Variants in FGGY observed in about 807,000 individuals in gnomAD.
FGGY encodes FGGY carbohydrate kinase domain-containing protein.
FGGY carries 72 observed loss-of-function variants against 71.3 expected under a neutral mutation model. The observed-to-expected ratio is 1.01, with a 90% CI of 0.84 to 1.23. FGGY has a LOEUF of 1.23. Ranked by LOEUF, FGGY falls within the 50% of genes most tolerant of loss-of-function variation. The probability of loss-of-function intolerance (pLI) is 0.00; values close to 1 mark genes in which losing one functional copy is unlikely to be tolerated. For synonymous variants in FGGY, 251 were observed against 250.3 expected (o/e 1.00, Z -0.02); for missense variants, 668 against 682.3 (o/e 0.98, Z 0.23).
At chr1:59,351,145 A>C (rs1021314155) in intron 4 of FGGY, among the ~76,000 whole-genome samples, 1 of 152,246 alleles carries the variant, frequency 6.6e-6, no homozygotes, top group Non-Finnish European at 1.5e-5. Flanking sequence ...ACACAGCCAC[A>C]CTCATCCATT....
chr1:59,601,661 C>T (rs1184980698), intron 8 of FGGY, among the ~76,000 whole-genome samples: 1 of 152,076 alleles, frequency 6.6e-6, no homozygotes, highest in East Asian at 1.9e-4. Flanking sequence ...TGAGTTATGC[C>T]CCAGCCCATA....
At chr1:59,329,538 G>A (rs2048059262) in intron 2 of FGGY, among the ~76,000 whole-genome samples, 3 of 152,180 alleles carry the variant, frequency 2.0e-5, no homozygotes, top group Admixed American at 6.5e-5. Flanking sequence ...GGCCTTCAGG[G>A]CCCTACATGG....
At chr1:59,589,861 C>A (rs2096393581) in intron 8 of FGGY, among the ~76,000 whole-genome samples, 1 of 152,076 alleles carries the variant, frequency 6.6e-6, no homozygotes, top group South Asian at 2.1e-4. Flanking sequence ...GACACTCTAA[C>A]ATCACAATTA....
chr1:59,392,741 A>G (rs1315430685), intron 5 of FGGY, among the ~76,000 whole-genome samples: 1 of 151,664 alleles, frequency 6.6e-6, no homozygotes, highest in Non-Finnish European at 1.5e-5. Context: ...TTCTTTTAAA[A>G]TTTTTCTTCA....
chr1:59,315,361 G>A (rs564013612), intron 1 of FGGY, among the ~76,000 whole-genome samples: 56 of 151,952 alleles, frequency 3.7e-4, no homozygotes, highest in African/African-American at 1.2e-3. Context: ...TTAACTGCCA[G>A]TTCAGTTTCC....
chr1:59,449,278 G>A (rs1157457714), intron 5 of FGGY, among the ~76,000 whole-genome samples: 2 of 151,934 alleles, frequency 1.3e-5, no homozygotes, highest in Non-Finnish European at 2.9e-5. Context: ...GTATCTGCAT[G>A]CCTTATCTAT....
chr1:59,585,056 G>T (rs1203571311), intron 8 of FGGY, among the ~76,000 whole-genome samples: 2 of 152,124 alleles, frequency 1.3e-5, no homozygotes, highest in Non-Finnish European at 2.9e-5. Flanking sequence ...CATGCTCATG[G>T]GTAGGAAGAA....
intron 14 of FGGY, among the ~76,000 whole-genome samples, chr1:59,739,370 C>T (rs933140218): frequency 2.6e-5 from 4 of 152,182 alleles, no homozygotes; most frequent in Non-Finnish European, 5.9e-5. Context: ...GGCTACCAAA[C>T]ACAGCCTCAC....
intron 6 of FGGY, among the ~76,000 whole-genome samples, chr1:59,505,343 A>G (rs2094350707): frequency 3.3e-5 from 5 of 152,186 alleles, no homozygotes; most frequent in Admixed American, 2.6e-4. Context: ...CTCATTAAAC[A>G]TTTCTGTAGT....
intron 14 of FGGY, among the ~76,000 whole-genome samples, chr1:59,737,340 C>T (rs2098114761): frequency 6.6e-6 from 1 of 152,184 alleles, no homozygotes; most frequent in Non-Finnish European, 1.5e-5. Flanking sequence ...GACCTCCAGA[C>T]CCCAGAATGG....
At chr1:59,630,767 G>A (rs1055173066) in intron 10 of FGGY, among the ~76,000 whole-genome samples, 2 of 152,122 alleles carry the variant, frequency 1.3e-5, no homozygotes, top group African/African-American at 4.8e-5. Flanking sequence ...CAACAGTATC[G>A]GGTGGTTCAG....
chr1:59,639,699 C>G (rs186011572), intron 11 of FGGY, among the ~76,000 whole-genome samples: 1 of 152,250 alleles, frequency 6.6e-6, no homozygotes, highest in African/African-American at 2.4e-5. Flanking sequence ...AGAAGCTTGA[C>G]CAGTGTTTTA....
chr1:59,378,836 C>A lies in FGGY; in HGVS notation c.553C>A (p.Arg185=). The change falls in exon 5 of 16, where the codon CGG becomes AGG. Residue 185 remains arginine, a splice_region_variant and synonymous_variant. Transcript: ENST00000303721. ...GTGGAAGGCAACAGGTGTCACAGCA[C>A]GGTATGTTAATTACAAGTTGGATTG... The part of the protein sequence containing the change: ...LSWKATGVTA[R]SLCSLVCKWT... 1.2e-6 allele frequency: 2 copies of A among 1,611,144 alleles called. No individual in the cohort carries two copies. The highest frequency in any genetic ancestry group is 1.1e-5 in the South Asian group (1 of 90,934).
At position 59,340,777 on chromosome 1, in the gene FGGY, G is replaced by T. The variant is rs187210493; in HGVS notation, c.313+708G>T. On this transcript the variant is annotated intron_variant, in intron 3 of 15. Transcript: ENST00000303721. The stretch of plus-strand genomic sequence containing the variant: ...AATGTAATAATTAATACATTAGTCA[G>T]ATGGGTAATGTAAATGAGTAATAGG... Among the ~76,000 whole-genome samples, 16 of 152,280 alleles carry T rather than the reference G, an allele frequency of 1.1e-4. No individual in the cohort carries two copies. In the East Asian group the frequency reaches 1.5e-3, roughly 15 times the overall value.
chr1:59,398,482 A>G (rs747467567), intron 5 of FGGY, among the ~76,000 whole-genome samples: 6 of 152,104 alleles, frequency 3.9e-5, no homozygotes, highest in Admixed American at 6.6e-5. Context: ...CAAATGATCC[A>G]CCTGCCTCAG....
intron 8 of FGGY, among the ~76,000 whole-genome samples, chr1:59,568,978 G>T: frequency 6.6e-6 from 1 of 151,252 alleles, no homozygotes; most frequent in South Asian, 2.1e-4. Context: ...ATTTACAAAA[G>T]AAAAAAATAC....
chr1:59,749,671 G>T (rs1057438765), intron 14 of FGGY, among the ~76,000 whole-genome samples: 4 of 152,162 alleles, frequency 2.6e-5, no homozygotes, highest in Admixed American at 1.3e-4. Context: ...CATGGAGCTT[G>T]CATGCTAAAG....
intron 11 of FGGY, among the ~76,000 whole-genome samples, chr1:59,653,016 G>T (rs944818312): frequency 5.3e-5 from 8 of 152,152 alleles, no homozygotes; most frequent in Non-Finnish European, 4.4e-5. Flanking sequence ...CCTGCCGTGT[G>T]AGGTGTCAGT....
chr1:59,532,344 C>G (rs1456009247), intron 7 of FGGY, among the ~76,000 whole-genome samples: 1 of 152,054 alleles, frequency 6.6e-6, no homozygotes, highest in East Asian at 1.9e-4. Flanking sequence ...ATGAAATACA[C>G]AAACAAGTAT....
Sources: gnomAD v4.1 joint callset for allele counts (sites outside exome capture counted in the v4.1 genomes callset) on GRCh38, gnomAD v4.1.1 for gene constraint, MANE v1.5 for transcripts, NCBI Gene and HGNC (gene_info 2026-07-23, HGNC 2026-07-21) for gene names.